PATJ: variants seen among roughly 807,000 people sequenced by gnomAD.
PATJ encodes the protein inaD-like protein.
A neutral mutation model predicts 224.9 loss-of-function variants in PATJ; 190 were observed. That is an observed-to-expected ratio of 0.84 (90% CI 0.75 to 0.95). The LOEUF is 0.95. PATJ is among the 40% of genes least tolerant of loss of function. The pLI is 0.00. For missense variants in PATJ, 2,121 were observed against 2,270.3 expected (o/e 0.93, Z 1.34); for synonymous variants, 769 against 820.3 (o/e 0.94, Z 1.07).
chr1:61,758,907 G>C (rs1018153001), intron 1 of PATJ, among the ~76,000 whole-genome samples: 2 of 152,012 alleles, frequency 1.3e-5, no homozygotes, highest in African/African-American at 4.8e-5. Flanking sequence ...CCTGCCAAGG[G>C]GAATCTCTAG....
At chr1:61,818,970 T>C (rs2148700642) in intron 14 of PATJ, among the ~76,000 whole-genome samples, 1 of 152,356 alleles carries the variant, frequency 6.6e-6, no homozygotes, top group South Asian at 2.1e-4. Flanking sequence ...TCTCTGTGTG[T>C]ACAGTGGGAT....
At chr1:62,056,303 CA>C (rs1654520735) in intron 31 of PATJ, among the ~76,000 whole-genome samples, 1 of 152,182 alleles carries the variant, frequency 6.6e-6, no homozygotes, top group African/African-American at 2.4e-5. Context: ...AACTTATTCA[CA>C]TAACAATAGT....
intron 42 of PATJ, among the ~76,000 whole-genome samples, chr1:62,149,540 A>G (rs916807582): frequency 4.6e-5 from 7 of 152,202 alleles, no homozygotes; most frequent in African/African-American, 1.7e-4. Flanking sequence ...AAGTTAATAC[A>G]TGCATGCCAT....
chr1:61,864,026 T>A (rs1299974710), intron 19 of PATJ, among the ~76,000 whole-genome samples: 3 of 152,258 alleles, frequency 2.0e-5, no homozygotes, highest in Non-Finnish European at 2.9e-5. Flanking sequence ...GGCAGATTTC[T>A]GCCTCATAAT....
In PATJ at chr1:61,814,547, T is replaced by TGTGCGC. The variant is rs370488022; in HGVS notation, c.1683+6018_1683+6019insTGCGCG. On this transcript the variant is annotated intron_variant, in intron 14 of 43. Transcript: ENST00000642238. ...GTGTGTGTGTGTGTGTGTGTGTGTG[T>TGTGCGC]GCGCGCGCGCGCGCATGTATGTGGG... Among the ~76,000 whole-genome samples, 435 of 142,554 alleles carry TGTGCGC rather than the reference T, an allele frequency of 3.1e-3. 1 individual carries two copies. Among genetic ancestry groups the TGTGCGC allele is most frequent in the African/African-American group, 7.2e-3 (268 of 37,184 alleles). 93.5% of individuals were successfully genotyped at this position (142,554 alleles called of 152,430 possible).
chr1:62,150,400 T>C (rs1668498317), intron 42 of PATJ, among the ~76,000 whole-genome samples: 1 of 152,002 alleles, frequency 6.6e-6, no homozygotes, highest in Non-Finnish European at 1.5e-5. Context: ...AAGATAACTG[T>C]AGGAGAGCTA....
chr1:61,749,066 T>A (rs1418224964), intron 1 of PATJ, among the ~76,000 whole-genome samples: 1 of 151,584 alleles, frequency 6.6e-6, no homozygotes, highest in Non-Finnish European at 1.5e-5. Context: ...AACCTCCATC[T>A]CCTGGGTTCA....
Position 62,143,530 on chromosome 1 carries a change from A to G in PATJ, c.5272-4754A>G, listed in dbSNP as rs1166732123. 2.9e-5 allele frequency among the ~76,000 whole-genome samples: 4 copies of G among 136,556 alleles called. No homozygotes were observed. In the Admixed American group the frequency reaches 3.4e-4, roughly 12 times the overall value. 89.6% of individuals were successfully genotyped at this position (136,556 alleles called of 152,430 possible). ...CCATGGCTTGATCTCGGCTCACTGCAACCTCTGCCTCCTGGGTTCAAGCGA... is the reference window on the plus strand; with the variant it reads ...CCATGGCTTGATCTCGGCTCACTGCGACCTCTGCCTCCTGGGTTCAAGCGA... On this transcript the variant is annotated intron_variant, in intron 41 of 43. Transcript: ENST00000642238.
chr1:62,137,370 A>AAGTG (rs961697740), intron 41 of PATJ, among the ~76,000 whole-genome samples: 1 of 128,168 alleles, frequency 7.8e-6, no homozygotes, highest in Non-Finnish European at 1.6e-5. Flanking sequence ...AACATGGAAT[A>AAGTG]AGTGAGTTTC....
intron 26 of PATJ, among the ~76,000 whole-genome samples, chr1:61,926,179 C>T (rs947262829): frequency 1.3e-5 from 2 of 152,168 alleles, no homozygotes; most frequent in African/African-American, 4.8e-5. Context: ...TGGTGAAGGT[C>T]ATAATCACCT....
At chr1:62,058,152 G>A (rs1417376186) in intron 31 of PATJ, among the ~76,000 whole-genome samples, 1 of 152,112 alleles carries the variant, frequency 6.6e-6, no homozygotes, top group Non-Finnish European at 1.5e-5. Flanking sequence ...CATTCTTCTT[G>A]GAGTTTCTTT....
intron 27 of PATJ, among the ~76,000 whole-genome samples, chr1:61,930,402 T>C (rs966536274): frequency 3.3e-5 from 5 of 152,246 alleles, no homozygotes; most frequent in Non-Finnish European, 7.3e-5. Context: ...TTCGGGTTGC[T>C]GTTTTATCAG....
At chr1:62,085,208 G>A (rs141756533) in intron 33 of PATJ, among the ~76,000 whole-genome samples, 1,604 of 152,122 alleles carry the variant, frequency 0.011, 36 homozygotes, top group African/African-American at 0.037. Flanking sequence ...GCTGCAATGA[G>A]CTGAGATCGT....
intron 28 of PATJ, among the ~76,000 whole-genome samples, chr1:62,001,780 G>A (rs1645790396): frequency 6.6e-6 from 1 of 151,952 alleles, no homozygotes; most frequent in African/African-American, 2.4e-5. Flanking sequence ...TAGGCAGTAT[G>A]GCCATTTTCA....
chr1:62,136,652 T>C lies in PATJ; in HGVS notation c.5271+7707T>C, dbSNP rs1205606853. Among the ~76,000 whole-genome samples, 14 of 45,208 alleles carry C rather than the reference T, an allele frequency of 3.1e-4. 1 individual carries two copies. The East Asian group carries it at 0.012, about 38-fold the overall frequency. The allele number at this position is 45,208 out of a possible 152,430, so 29.7% of individuals were successfully genotyped here. ...GCTGAGGATTTTTATGTTTTGCGTG[T>C]GTGTGTGTGTGTCTGTGTGTGTGTG... On this transcript the variant is annotated intron_variant, in intron 41 of 43. Coordinates refer to ENST00000642238, the MANE Select transcript of PATJ (RefSeq NM_001350145.3).
At chr1:61,772,662 A>G (rs757616939) in intron 6 of PATJ, among the ~76,000 whole-genome samples, 3 of 152,236 alleles carry the variant, frequency 2.0e-5, no homozygotes, top group Admixed American at 6.5e-5. Context: ...ATATTTATAC[A>G]GCAGAATTTA....
chr1:61,961,681 A>C (rs1681303471), intron 27 of PATJ, among the ~76,000 whole-genome samples: 1 of 152,174 alleles, frequency 6.6e-6, no homozygotes, highest in African/African-American at 2.4e-5. Flanking sequence ...AGAAATATGA[A>C]TACAGGGCTG....
In PATJ at chr1:61,921,406, C is replaced by T. The variant is rs534458658; in HGVS notation, c.3571-6324C>T. On this transcript the variant is annotated intron_variant, in intron 26 of 43. Coordinates refer to ENST00000642238, the MANE Select transcript of PATJ (RefSeq NM_001350145.3). ...TTAGCAGTAGCACATGTCATATGAT[C>T]AGGCTGTTGTGGGTTTTTTTAGAGG... is the stretch of plus-strand genomic sequence containing the variant. Among the ~76,000 whole-genome samples, 3 of 152,296 alleles carry T rather than the reference C, an allele frequency of 2.0e-5. No individual in the cohort carries two copies. In the East Asian group the frequency reaches 5.8e-4, roughly 29 times the overall value.
intron 31 of PATJ, among the ~76,000 whole-genome samples, chr1:62,064,895 T>TA (rs1204661169): frequency 1.3e-5 from 2 of 152,160 alleles, no homozygotes; most frequent in East Asian, 1.9e-4. Context: ...AGATGCAACA[T>TA]AAAAAATACA....
Sources: gnomAD v4.1 joint callset for allele counts (sites outside exome capture counted in the v4.1 genomes callset) on GRCh38, gnomAD v4.1.1 for gene constraint, MANE v1.5 for transcripts, NCBI Gene and HGNC (gene_info 2026-07-23, HGNC 2026-07-21) for gene names.